FGGY: variants seen among roughly 807,000 people sequenced by gnomAD.
FGGY encodes the protein FGGY carbohydrate kinase domain containing, also known as FGGY carbohydrate kinase domain-containing protein.
FGGY carries 72 observed loss-of-function variants against 71.3 expected under a neutral mutation model. That is an observed-to-expected ratio of 1.01 (90% CI 0.84 to 1.23). FGGY has a LOEUF of 1.23. Ranked by LOEUF, FGGY falls within the 50% of genes most tolerant of loss-of-function variation. The pLI is 0.00. For synonymous variants in FGGY, 251 were observed against 250.3 expected (o/e 1.00, Z -0.02); for missense variants, 668 against 682.3 (o/e 0.98, Z 0.23).
At chr1:59,310,444 T>C (rs931489650) in intron 1 of FGGY, among the ~76,000 whole-genome samples, 4 of 152,186 alleles carry the variant, frequency 2.6e-5, no homozygotes, top group African/African-American at 9.6e-5. Context: ...TAAGAACAAA[T>C]CATTAAATTT....
At chr1:59,614,471 A>G (rs1278393760) in intron 9 of FGGY, among the ~76,000 whole-genome samples, 1 of 152,214 alleles carries the variant, frequency 6.6e-6, no homozygotes, top group Non-Finnish European at 1.5e-5. Context: ...AAAACTCTCA[A>G]TAAATTAGGT....
intron 2 of FGGY, among the ~76,000 whole-genome samples, chr1:59,327,383 A>G (rs1244458042): frequency 1.3e-5 from 2 of 152,232 alleles, no homozygotes; most frequent in Non-Finnish European, 2.9e-5. Context: ...TTGTTCATCC[A>G]TAAGAAGCAG....
Position 59,321,632 on chromosome 1 carries a change from A to T in FGGY, c.83A>T (p.Asp28Val). 1 of 1,613,810 alleles carries T rather than the reference A, an allele frequency of 6.2e-7. No homozygotes were observed. Among genetic ancestry groups the T allele is most frequent in the Non-Finnish European group, 8.5e-7 (1 of 1,179,824 alleles). Reference protein sequence around the residue: ...GTGSVRAALVDQSGVLLAFAD... With the variant: ...GTGSVRAALVVQSGVLLAFAD... ...GGCAGTGTCCGTGCAGCTCTGGTGG[A>T]CCAGAGTGGGGTCCTGTTGGCTTTT... The change falls in exon 2 of 16, where the codon GAC becomes GTC. Residue 28 changes from aspartate (D) to valine (V), a missense_variant. Physicochemically the swap from Asp to Val is radical, Grantham distance 152 (BLOSUM62 -3). This residue lies in a region of FGGY where 661 missense variants were observed against 661.6 expected (regional missense o/e 1.00). Transcript: ENST00000303721.
intron 14 of FGGY, among the ~76,000 whole-genome samples, chr1:59,709,729 G>A (rs566770721): frequency 1.3e-5 from 2 of 152,340 alleles, no homozygotes; most frequent in African/African-American, 4.8e-5. Context: ...GCTACAATTT[G>A]TATATCCCCC....
At chr1:59,499,114 C>A (rs1047404439) in intron 6 of FGGY, among the ~76,000 whole-genome samples, 3 of 152,090 alleles carry the variant, frequency 2.0e-5, no homozygotes, top group African/African-American at 7.2e-5. Flanking sequence ...CTCAGCCCCC[C>A]AAATCTGGAT....
chr1:59,379,162 A>AACACACACACACACAC (rs55986439), intron 5 of FGGY, among the ~76,000 whole-genome samples: 4,515 of 143,054 alleles, frequency 0.032, 95 homozygotes, highest in South Asian at 0.038. Flanking sequence ...GGAAAAAATA[A>AACACACACACACACAC]ACACACACAC....
chr1:59,649,962 G>C (rs776883366), intron 11 of FGGY, among the ~76,000 whole-genome samples: 8 of 147,024 alleles, frequency 5.4e-5, no homozygotes, highest in Admixed American at 4.0e-4. Context: ...TAGCATGAAG[G>C]GTTGTTGAAT....
Position 59,615,168 on chromosome 1 carries a change from T to C in FGGY, c.1011+7258T>C, listed in dbSNP as rs188317200. On this transcript the variant is annotated intron_variant, in intron 9 of 15. Transcript: ENST00000303721. ...AAACTACTTTAAAGTTCATATGGAA[T>C]CAAAAAAGAGCCCATATTGCCAAGT... 8.6e-4 allele frequency among the ~76,000 whole-genome samples: 131 copies of C among 151,934 alleles called. 1 individual carries two copies. Among genetic ancestry groups the C allele is most frequent in the Non-Finnish European group, 4.6e-4 (31 of 67,916 alleles).
In FGGY at chr1:59,482,634, G is replaced by GTATATA. The variant is rs3990413; in HGVS notation, c.670+25571_670+25576dup. Among the ~76,000 whole-genome samples the GTATATA allele has an allele frequency of 2.9e-3, 430 of 147,528 alleles. 1 individual carries two copies. The highest frequency in any genetic ancestry group is 7.4e-3 in the African/African-American group (295 of 39,960). The stretch of plus-strand genomic sequence containing the variant: ...CATATGTGTGTGTGTGTGTCTGTGT[G>GTATATA]TATATATATATATATATAAACACCA... On this transcript the variant is annotated intron_variant, in intron 6 of 15. Transcript: ENST00000303721.
At chr1:59,748,955 G>A (rs2098223004) in intron 14 of FGGY, among the ~76,000 whole-genome samples, 1 of 152,212 alleles carries the variant, frequency 6.6e-6, no homozygotes, top group South Asian at 2.1e-4. Context: ...ATGAGAAAGG[G>A]GCTAGAGATT....
At chr1:59,633,001 C>CTT (rs58061913) in intron 10 of FGGY, among the ~76,000 whole-genome samples, 65 of 135,676 alleles carry the variant, frequency 4.8e-4, no homozygotes, top group East Asian at 1.5e-3. Flanking sequence ...TTATACATTT[C>CTT]TTTTTTTTTT....
chr1:59,742,950 C>G (rs561738286), intron 14 of FGGY, among the ~76,000 whole-genome samples: 1 of 152,326 alleles, frequency 6.6e-6, no homozygotes, highest in East Asian at 1.9e-4. Context: ...AGTTTATTCT[C>G]TACAAAACTA....
chr1:59,582,278 G>T (rs1358797934), intron 8 of FGGY, among the ~76,000 whole-genome samples: 2 of 150,058 alleles, frequency 1.3e-5, no homozygotes, highest in East Asian at 3.9e-4. Flanking sequence ...ATCCAATTCA[G>T]TATTCTAATT....
At chr1:59,314,927 T>C (rs2045131011) in intron 1 of FGGY, among the ~76,000 whole-genome samples, 1 of 152,142 alleles carries the variant, frequency 6.6e-6, no homozygotes, top group African/African-American at 2.4e-5. Context: ...AGACTATGTG[T>C]GTGATGTTGT....
chr1:59,323,004 G>A (rs1346524329), intron 2 of FGGY, among the ~76,000 whole-genome samples: 1 of 152,054 alleles, frequency 6.6e-6, no homozygotes, highest in African/African-American at 2.4e-5. Context: ...TAGTGCCCCC[G>A]GAGAAGAAGG....
At chr1:59,654,487 A>C (rs1049790291) in intron 11 of FGGY, among the ~76,000 whole-genome samples, 4 of 151,928 alleles carry the variant, frequency 2.6e-5, no homozygotes, top group Non-Finnish European at 4.4e-5. Context: ...TGTGAATCCC[A>C]TTTTCTTGTC....
At chr1:59,645,447 C>G (rs1237747471) in intron 11 of FGGY, among the ~76,000 whole-genome samples, 2 of 152,202 alleles carry the variant, frequency 1.3e-5, no homozygotes, top group African/African-American at 2.4e-5. Context: ...CCAGCCCAAA[C>G]AACCAGCCAG....
intron 2 of FGGY, among the ~76,000 whole-genome samples, chr1:59,325,338 C>T (rs1028438560): frequency 2.0e-5 from 3 of 150,492 alleles, no homozygotes; most frequent in Non-Finnish European, 4.4e-5. Flanking sequence ...GCCTGGGAGA[C>T]AGAGTGGGAC....
chr1:59,587,567 C>A (rs2153777929), intron 8 of FGGY, among the ~76,000 whole-genome samples: 2 of 152,288 alleles, frequency 1.3e-5, no homozygotes, highest in African/African-American at 4.8e-5. Context: ...AGACTGACAC[C>A]TCACACGGCC....
Sources: allele counts gnomAD v4.1 joint callset (sites outside exome capture counted in the v4.1 genomes callset), GRCh38; gene constraint gnomAD v4.1.1; regional missense constraint gnomAD v4.1.1; transcripts MANE v1.5; gene names NCBI Gene and HGNC (gene_info 2026-07-23, HGNC 2026-07-21).